Variants in SHROOM3 observed in about 807,000 individuals in gnomAD.
The protein encoded by SHROOM3 is shroom family member 3.
SHROOM3 carries 47 observed loss-of-function variants against 138.6 expected under a neutral mutation model. The observed-to-expected ratio is 0.34, with a 90% CI of 0.27 to 0.43. The LOEUF (loss-of-function observed/expected upper bound fraction) is 0.43, where lower values mean the gene tolerates loss of function less well. Among genes scored for constraint, SHROOM3 ranks in the 20% least tolerant of loss-of-function variants. The pLI is 1.00. For missense variants in SHROOM3, 2,491 were observed against 2,596.5 expected, an observed-to-expected ratio of 0.96 and a Z score of 0.88; for synonymous variants, 1,062 against 1,063.3, an observed-to-expected ratio of 1.00 and a Z score of 0.02.
intron 2 of SHROOM3, among the ~76,000 whole-genome samples, chr4:76,606,368 C>T (rs1177341181): frequency 1.3e-5 from 2 of 151,668 alleles, no homozygotes; most frequent in Non-Finnish European, 2.9e-5. Context: ...TGCTGCTTAC[C>T]AGTGTGGTGC....
At chr4:76,774,340 T>G (rs897173614) in intron 10 of SHROOM3, among the ~76,000 whole-genome samples, 1 of 152,004 alleles carries the variant, frequency 6.6e-6, no homozygotes, top group African/African-American at 2.4e-5. Flanking sequence ...AGCAGTATTG[T>G]TTTTTTATCA....
At position 76,442,785 on chromosome 4, in the gene SHROOM3, G is replaced by A. The variant is rs560278975; in HGVS notation, c.168+6565G>A. Among the ~76,000 whole-genome samples the A allele has an allele frequency of 2.6e-5, 4 of 151,978 alleles. No individual in the cohort carries two copies. The South Asian group carries it at 8.3e-4, about 32-fold the overall frequency. ...TTCCAGAAGCTAAAGACCCTTCATT[G>A]ATTCCTTTTCTCTCTCTCTCTCCCC... On this transcript the variant is annotated intron_variant, in intron 1 of 10. Transcript: ENST00000296043.
At chr4:76,671,849 G>T (rs550798171) in intron 2 of SHROOM3, among the ~76,000 whole-genome samples, 1 of 152,056 alleles carries the variant, frequency 6.6e-6, no homozygotes, top group Non-Finnish European at 1.5e-5. Context: ...ATTTTTTTTG[G>T]ATTTTGATAT....
chr4:76,684,189 C>G (rs1719272082), intron 2 of SHROOM3, among the ~76,000 whole-genome samples: 1 of 152,176 alleles, frequency 6.6e-6, no homozygotes, highest in Non-Finnish European at 1.5e-5. Flanking sequence ...GGATGCATTT[C>G]TAATCTTTCA....
At chr4:76,681,397 T>G (rs890618414) in intron 2 of SHROOM3, among the ~76,000 whole-genome samples, 1 of 152,118 alleles carries the variant, frequency 6.6e-6, no homozygotes, top group Non-Finnish European at 1.5e-5. Flanking sequence ...TTAGCATGTT[T>G]GCTGGGTACA....
intron 1 of SHROOM3, among the ~76,000 whole-genome samples, chr4:76,498,396 G>T (rs1211068548): frequency 1.3e-5 from 2 of 152,074 alleles, no homozygotes; most frequent in Non-Finnish European, 2.9e-5. Context: ...AGATTAAATG[G>T]ATGGATGGAT....
At chr4:76,626,154 C>A (rs1560569693) in intron 2 of SHROOM3, among the ~76,000 whole-genome samples, 1 of 152,192 alleles carries the variant, frequency 6.6e-6, no homozygotes, top group Non-Finnish European at 1.5e-5. Context: ...GTACGTAGGG[C>A]TGCTTCATCA....
At chr4:76,710,074 CT>C in intron 2 of SHROOM3, 81 bp from the exon 3 acceptor site, 1 of 1,601,422 alleles carries the variant, frequency 6.2e-7, no homozygotes, top group South Asian at 1.1e-5. Flanking sequence ...TTTTCATGTG[CT>C]TTTTCGGTTT....
intron 2 of SHROOM3, among the ~76,000 whole-genome samples, chr4:76,572,881 G>C (rs1046174182): frequency 6.6e-6 from 1 of 152,016 alleles, no homozygotes; most frequent in African/African-American, 2.4e-5. Context: ...AGGAGTTCGA[G>C]ACCAGCCTGG....
chr4:76,618,616 T>A (rs1259854639), intron 2 of SHROOM3, among the ~76,000 whole-genome samples: 7 of 152,238 alleles, frequency 4.6e-5, no homozygotes, highest in Admixed American at 3.9e-4. Context: ...TACTATAATA[T>A]TTTTTGAACC....
intron 2 of SHROOM3, among the ~76,000 whole-genome samples, chr4:76,611,270 C>G (rs1007453966): frequency 6.6e-6 from 1 of 151,838 alleles, no homozygotes; most frequent in Non-Finnish European, 1.5e-5. Context: ...CTCTCTCTCT[C>G]TTAAAGTCTG....
At chr4:76,624,147 A>G (rs1384996204) in intron 2 of SHROOM3, among the ~76,000 whole-genome samples, 2 of 152,244 alleles carry the variant, frequency 1.3e-5, no homozygotes, top group African/African-American at 4.8e-5. Context: ...AAATGATCAT[A>G]AAACCTTCAC....
At chr4:76,453,844 G>A (rs1027429520) in intron 1 of SHROOM3, among the ~76,000 whole-genome samples, 2 of 152,042 alleles carry the variant, frequency 1.3e-5, no homozygotes, top group African/African-American at 2.4e-5. Flanking sequence ...TTTACTCTGC[G>A]GATAGTGTCT....
chr4:76,705,909 C>G (rs1720033614), intron 2 of SHROOM3, among the ~76,000 whole-genome samples: 1 of 152,152 alleles, frequency 6.6e-6, no homozygotes, highest in Non-Finnish European at 1.5e-5. Context: ...ACAGTCGACC[C>G]TTGAACAACA....
intron 2 of SHROOM3, among the ~76,000 whole-genome samples, chr4:76,671,922 C>G (rs1259743979): frequency 6.6e-6 from 1 of 152,090 alleles, no homozygotes; most frequent in East Asian, 1.9e-4. Context: ...CCACAGTGCT[C>G]CAGTGAAGAT....
chr4:76,441,240 G>A (rs1296393318), intron 1 of SHROOM3, among the ~76,000 whole-genome samples: 3 of 151,398 alleles, frequency 2.0e-5, no homozygotes, highest in South Asian at 2.1e-4. Flanking sequence ...GACTACAGGC[G>A]CCTGCCACAC....
intron 6 of SHROOM3, among the ~76,000 whole-genome samples, chr4:76,751,645 T>C (rs534289978): frequency 1.9e-4 from 29 of 152,162 alleles, no homozygotes; most frequent in South Asian, 4.1e-4. Flanking sequence ...CTTGTCTATA[T>C]AAAAATGGGC....
chr4:76,535,283 C>T (rs527403237), intron 1 of SHROOM3, among the ~76,000 whole-genome samples: 1 of 152,302 alleles, frequency 6.6e-6, no homozygotes, highest in African/African-American at 2.4e-5. Flanking sequence ...ACCATTCCCA[C>T]TGGATGTTGT....
chr4:76,768,885 T>C (rs1722251757), intron 9 of SHROOM3, among the ~76,000 whole-genome samples: 1 of 152,144 alleles, frequency 6.6e-6, no homozygotes, highest in East Asian at 1.9e-4. Flanking sequence ...GATGTCACCA[T>C]TAAAGCCAGA....
Sources: allele counts gnomAD v4.1 joint callset (sites outside exome capture counted in the v4.1 genomes callset), GRCh38; gene constraint gnomAD v4.1.1; transcripts MANE v1.5; gene names NCBI Gene and HGNC (gene_info 2026-07-23, HGNC 2026-07-21).